NOS1: variants seen among roughly 807,000 people sequenced by gnomAD.
NOS1 encodes NOS type I.
Under a neutral mutation model 164.5 loss-of-function variants are expected in NOS1, and 51 were observed. The observed-to-expected ratio is 0.31, with a 90% CI of 0.25 to 0.39. The LOEUF (loss-of-function observed/expected upper bound fraction) is 0.39. NOS1 is among the 10% of genes least tolerant of loss of function. NOS1 has a pLI of 1.00. For synonymous variants in NOS1, 719 were observed against 745.8 expected (o/e 0.96, Z 0.59); for missense variants, 1,362 against 1,885.6 (o/e 0.72, Z 5.14).
chr12:117,334,229 A>G (rs1353281294), intron 1 of NOS1, among the ~76,000 whole-genome samples: 1 of 152,110 alleles, frequency 6.6e-6, no homozygotes, highest in Admixed American at 6.6e-5. Context: ...GTGCTTGGGA[A>G]ATTGGTGTGC....
At chr12:117,294,016 C>T (rs1435176612) in intron 3 of NOS1, among the ~76,000 whole-genome samples, 2 of 152,140 alleles carry the variant, frequency 1.3e-5, no homozygotes, top group Non-Finnish European at 2.9e-5. Context: ...CTGGGCAGGG[C>T]TTTGTAGCAA....
intron 7 of NOS1, among the ~76,000 whole-genome samples, chr12:117,284,638 C>A (rs746427495): frequency 3.3e-5 from 5 of 152,184 alleles, no homozygotes; most frequent in South Asian, 4.1e-4. Context: ...TTGTTCCTGT[C>A]CTCTCCAGGA....
intron 20 of NOS1, among the ~76,000 whole-genome samples, chr12:117,238,439 T>C (rs1042044528): frequency 6.6e-6 from 1 of 152,190 alleles, no homozygotes; most frequent in African/African-American, 2.4e-5. Flanking sequence ...TAAACCCCCC[T>C]GCATTTCACC....
intron 9 of NOS1, among the ~76,000 whole-genome samples, chr12:117,277,159 C>G (rs1873253252): frequency 6.6e-6 from 1 of 152,090 alleles, no homozygotes; most frequent in South Asian, 2.1e-4. Context: ...TATTGCCTGT[C>G]TTTCGGATAA....
intron 16 of NOS1, among the ~76,000 whole-genome samples, chr12:117,256,355 C>T (rs758746568): frequency 2.7e-5 from 4 of 146,480 alleles, no homozygotes; most frequent in Middle Eastern, 3.5e-3. Flanking sequence ...CTCGGCTCAC[C>T]GCAACATCTG....
At chr12:117,263,217 G>A (rs1872087305) in intron 13 of NOS1, among the ~76,000 whole-genome samples, 1 of 52,756 alleles carries the variant, frequency 1.9e-5, no homozygotes, top group African/African-American at 3.5e-5. Flanking sequence ...CCCAACTAAT[G>A]AATGAATGAA....
chr12:117,314,810 T>C (rs1426754391), intron 2 of NOS1, among the ~76,000 whole-genome samples: 1 of 152,184 alleles, frequency 6.6e-6, no homozygotes, highest in Non-Finnish European at 1.5e-5. Flanking sequence ...TTTCACCATG[T>C]TGGCCAGGCT....
At position 117,220,167 on chromosome 12, in the gene NOS1, C is replaced by A. The variant is rs761925815; in HGVS notation, c.4078G>T (p.Ala1360Ser). The change falls in exon 27 of 29, where the codon GCT becomes TCT. Residue 1360 changes from alanine to serine, a missense_variant. By Grantham distance (99) the Ala-to-Ser change is moderately conservative (BLOSUM62 1). Transcript: ENST00000317775. ...HIYVCGDVTM[A>S]ADVLKAIQRI... ...TGGATGGCTTTGAGGACATCAGCAG[C>A]CATGGTGACGTCCCCACAGACGTAT... 1.9e-5 allele frequency: 31 copies of A among 1,613,898 alleles called. No individual in the cohort carries two copies. In the African/African-American group the frequency reaches 4.0e-4, roughly 21 times the overall value.
At chr12:117,322,818 C>T (rs573629390) in intron 2 of NOS1, among the ~76,000 whole-genome samples, 1 of 145,680 alleles carries the variant, frequency 6.9e-6, no homozygotes, top group African/African-American at 2.5e-5. Context: ...TCCCTTCCTC[C>T]TTCCCTCCTT....
chr12:117,318,932 G>A (rs938017335), intron 2 of NOS1, among the ~76,000 whole-genome samples: 5 of 152,216 alleles, frequency 3.3e-5, no homozygotes, highest in Non-Finnish European at 7.3e-5. Flanking sequence ...GGAATGCTGG[G>A]AGCTGAGTTA....
At chr12:117,308,059 T>A (rs1428837334) in intron 3 of NOS1, among the ~76,000 whole-genome samples, 3 of 151,978 alleles carry the variant, frequency 2.0e-5, no homozygotes, top group Non-Finnish European at 4.4e-5. Flanking sequence ...CCTCCTAGTA[T>A]AAGAAATCAA....
At chr12:117,261,178 CAA>C (rs534260940) in intron 13 of NOS1, among the ~76,000 whole-genome samples, 1,225 of 77,130 alleles carry the variant, frequency 0.016, 9 homozygotes, top group African/African-American at 0.053. Context: ...GACTCTGCCT[CAA>C]AAAAAAAAAA....
intron 20 of NOS1, among the ~76,000 whole-genome samples, chr12:117,240,388 A>C (rs569680238): frequency 6.6e-6 from 1 of 152,290 alleles, no homozygotes; most frequent in East Asian, 1.9e-4. Context: ...ACACACACTA[A>C]ATTTGCAGGT....
At chr12:117,245,701 T>C (rs1870564186) in intron 18 of NOS1, 1 of 152,392 alleles carries the variant, frequency 6.6e-6, no homozygotes, top group African/African-American at 2.4e-5. Flanking sequence ...GCAGACTGAC[T>C]GAGCTCAGGA....
chr12:117,287,929 T>G (rs572214689), intron 5 of NOS1, 145 bp downstream of exon 5: 4 of 765,262 alleles, frequency 5.2e-6, no homozygotes, highest in Non-Finnish European at 8.4e-6. Flanking sequence ...GGGGAACAGA[T>G]GTGACCTATG....
chr12:117,285,358 A>T (rs779709318), intron 6 of NOS1, 26 bp from the exon 7 acceptor site: 9 of 1,528,684 alleles, frequency 5.9e-6, no homozygotes, highest in Middle Eastern at 1.7e-4. Flanking sequence ...GGCGGAACTG[A>T]TTGCCTCTTC....
In NOS1 at chr12:117,353,343, A is replaced by G. The variant is rs549279667; in HGVS notation, c.-421+8169T>C. On this transcript the variant is annotated intron_variant, in intron 1 of 28. Transcript: ENST00000317775. The stretch of plus-strand genomic sequence containing the variant: ...CTACCTACCTCTCCATCTATTATCT[A>G]CCTACCTACTTACCTATCTTCACAA... 3.9e-5 allele frequency among the ~76,000 whole-genome samples: 6 copies of G among 152,240 alleles called. No homozygotes were observed. In the South Asian group the frequency reaches 8.3e-4, roughly 21 times the overall value.
At chr12:117,348,394 T>A (rs530332229) in intron 1 of NOS1, 97 of 152,298 alleles carry the variant, frequency 6.4e-4, no homozygotes, top group African/African-American at 2.3e-3. Flanking sequence ...TTTCTTCATC[T>A]ATAAAATGGC....
At chr12:117,312,077 CT>C (rs1874459679) in intron 2 of NOS1, among the ~76,000 whole-genome samples, 1 of 152,118 alleles carries the variant, frequency 6.6e-6, no homozygotes, top group Non-Finnish European at 1.5e-5. Context: ...CTGGCTAAGA[CT>C]TTCGGCTTTG....
Sources: allele counts gnomAD v4.1 joint callset (sites outside exome capture counted in the v4.1 genomes callset), GRCh38; gene constraint gnomAD v4.1.1; transcripts MANE v1.5; gene names NCBI Gene and HGNC (gene_info 2026-07-23, HGNC 2026-07-21).